TGFBR3: variants seen among roughly 807,000 people sequenced by gnomAD.
The protein encoded by TGFBR3 is transforming growth factor beta receptor type 3.
In TGFBR3, 46 loss-of-function variants were observed where a neutral mutation model predicts 87.9. The ratio of observed to expected loss-of-function variants is 0.52; its 90% confidence interval spans 0.41 to 0.67. The LOEUF is 0.67. TGFBR3 is among the 30% of genes least tolerant of loss of function. TGFBR3 has a pLI of 0.00. For missense variants in TGFBR3, 866 were observed against 1,041.9 expected (o/e 0.83, Z 2.32); for synonymous variants, 381 against 391.6 (o/e 0.97, Z 0.32).
At chr1:91,855,084 T>C (rs2101161781) in intron 2 of TGFBR3, among the ~76,000 whole-genome samples, 1 of 152,220 alleles carries the variant, frequency 6.6e-6, no homozygotes, top group South Asian at 2.1e-4. Context: ...ACACAAAGAG[T>C]TCAGAGCTTT....
At chr1:91,807,230 C>G (rs1423183937) in intron 2 of TGFBR3, among the ~76,000 whole-genome samples, 1 of 152,170 alleles carries the variant, frequency 6.6e-6, no homozygotes, top group Admixed American at 6.5e-5. Context: ...ACAATAAAAC[C>G]TGGCTTCAGG....
chr1:91,896,329 T>G (rs1679550065), intron 2 of TGFBR3, among the ~76,000 whole-genome samples: 1 of 152,070 alleles, frequency 6.6e-6, no homozygotes, highest in Non-Finnish European at 1.5e-5. Flanking sequence ...AGTTAAGAGG[T>G]TGAGGCAATT....
chr1:91,717,874 C>CTTTTTTT (rs56325630), intron 10 of TGFBR3, among the ~76,000 whole-genome samples: 1 of 146,264 alleles, frequency 6.8e-6, no homozygotes. Context: ...AAGCAACTGA[C>CTTTTTTT]TTTTTTTTTT....
intron 13 of TGFBR3, 109 bp downstream of exon 13, chr1:91,712,134 G>T (rs1672002241): frequency 3.3e-6 from 3 of 920,812 alleles, no homozygotes; most frequent in Non-Finnish European, 5.2e-6. Context: ...TATTTCAGTT[G>T]GGCAGTTCCA....
chr1:91,898,990 A>C (rs1679618747), intron 2 of TGFBR3, among the ~76,000 whole-genome samples: 1 of 152,288 alleles, frequency 6.6e-6, no homozygotes, highest in Middle Eastern at 3.4e-3. Context: ...ATGTTTGTTA[A>C]CCACTCAATT....
At chr1:91,774,414 G>A (rs1290835788) in intron 3 of TGFBR3, among the ~76,000 whole-genome samples, 2 of 152,132 alleles carry the variant, frequency 1.3e-5, no homozygotes, top group Non-Finnish European at 2.9e-5. Flanking sequence ...AGGATTATAG[G>A]CGTAAGCCAC....
At position 91,697,971 on chromosome 1, in the gene TGFBR3, G is replaced by C. The variant is rs562339907; in HGVS notation, c.2329+118C>G. On this transcript the variant is annotated intron_variant, in intron 15 of 16. Transcript: ENST00000212355. ...AAAGGGGAAAGGGGAAGGGGGAAGG[G>C]GGAATGAGAGCAGAAGTCTCCTTAT... 606 of 917,752 alleles carry C rather than the reference G, an allele frequency of 6.6e-4. 1 individual carries two copies. The highest frequency in any genetic ancestry group is 1.2e-3 in the Admixed American group (70 of 57,776). The allele number at this position is 917,752 out of a possible 1,614,324, so 56.9% of individuals were successfully genotyped here.
chr1:91,732,272 T>C (rs925094357), intron 5 of TGFBR3, among the ~76,000 whole-genome samples: 33 of 152,246 alleles, frequency 2.2e-4, no homozygotes, highest in African/African-American at 7.2e-4. Flanking sequence ...GCAAAACTCT[T>C]AAATTCTTTC....
At chr1:91,837,942 A>G (rs182917482) in intron 2 of TGFBR3, among the ~76,000 whole-genome samples, 70 of 152,354 alleles carry the variant, frequency 4.6e-4, no homozygotes, top group African/African-American at 1.7e-3. Context: ...AGCAAATAGC[A>G]TACTCGGGAG....
intron 1 of TGFBR3, among the ~76,000 whole-genome samples, chr1:91,905,033 C>T (rs1028217499): frequency 5.3e-5 from 8 of 152,136 alleles, no homozygotes; most frequent in African/African-American, 1.7e-4. Context: ...AACAATCACA[C>T]CTACCTTTTA....
At chr1:91,854,876 T>C (rs1677877574) in intron 2 of TGFBR3, among the ~76,000 whole-genome samples, 1 of 152,200 alleles carries the variant, frequency 6.6e-6, no homozygotes, top group Admixed American at 6.5e-5. Context: ...GCCCTATTAT[T>C]CTCATTCTAG....
intron 5 of TGFBR3, among the ~76,000 whole-genome samples, chr1:91,731,965 A>T (rs956446763): frequency 6.6e-6 from 1 of 152,150 alleles, no homozygotes; most frequent in Non-Finnish European, 1.5e-5. Context: ...CCGCTCCCCA[A>T]TGACTTTCCG....
intron 1 of TGFBR3, among the ~76,000 whole-genome samples, chr1:91,905,283 T>C (rs1387774937): frequency 2.6e-5 from 4 of 152,208 alleles, no homozygotes; most frequent in East Asian, 3.8e-4. Flanking sequence ...AGTTGGCTTA[T>C]TTAACACTTT....
chr1:91,710,064 C>T (rs1046907954), intron 13 of TGFBR3, among the ~76,000 whole-genome samples: 10 of 152,164 alleles, frequency 6.6e-5, no homozygotes, highest in Admixed American at 6.5e-4. Flanking sequence ...AGGTATAACT[C>T]TAAAGTAAAT....
intron 2 of TGFBR3, among the ~76,000 whole-genome samples, chr1:91,799,713 CT>C (rs1346028177): frequency 6.6e-6 from 1 of 152,180 alleles, no homozygotes; most frequent in Non-Finnish European, 1.5e-5. Context: ...GAAAACACAT[CT>C]GCAAAAAGGC....
intron 2 of TGFBR3, among the ~76,000 whole-genome samples, chr1:91,805,117 C>T (rs747732681): frequency 6.6e-6 from 1 of 152,170 alleles, no homozygotes; most frequent in Non-Finnish European, 1.5e-5. Flanking sequence ...CTGTTGTGAG[C>T]CACACAGAGG....
intron 16 of TGFBR3, among the ~76,000 whole-genome samples, chr1:91,687,435 G>T (rs931784627): frequency 1.3e-5 from 2 of 152,206 alleles, no homozygotes; most frequent in East Asian, 3.8e-4. Context: ...GCCCAGATCT[G>T]ACTTCCTGCT....
chr1:91,782,011 T>G (rs1674786436), intron 3 of TGFBR3, among the ~76,000 whole-genome samples: 1 of 152,182 alleles, frequency 6.6e-6, no homozygotes, highest in Non-Finnish European at 1.5e-5. Context: ...TTCATTTAGA[T>G]TCTCACTATC....
At chr1:91,802,920 T>C (rs1308775853) in intron 2 of TGFBR3, among the ~76,000 whole-genome samples, 1 of 152,116 alleles carries the variant, frequency 6.6e-6, no homozygotes, top group Non-Finnish European at 1.5e-5. Flanking sequence ...CACTCAACTC[T>C]GACCCCTCCT....
Sources: allele counts gnomAD v4.1 joint callset (sites outside exome capture counted in the v4.1 genomes callset), GRCh38; gene constraint gnomAD v4.1.1; transcripts MANE v1.5; gene names NCBI Gene and HGNC (gene_info 2026-07-23, HGNC 2026-07-21).